The following ITIH6 variants were observed in gnomAD, a reference collection of about 807,000 sequenced individuals.
The protein encoded by ITIH6 is inter-alpha-trypsin inhibitor heavy chain family member 6.
Under a neutral mutation model 58.2 loss-of-function variants are expected in ITIH6, and 60 were observed. The observed-to-expected ratio is 1.03, with a 90% CI of 0.84 to 1.28. The LOEUF is 1.28. ITIH6 is among the 50% of genes most tolerant of loss of function. The pLI, the probability that ITIH6 is intolerant of heterozygous loss-of-function variation, is 0.00. For missense variants in ITIH6, 1,290 were observed against 1,021.1 expected (o/e 1.26, Z -3.59); for synonymous variants, 493 against 417.4 (o/e 1.18, Z -2.21).
chrX:54,780,324 T>C (rs1191492832), intron 5 of ITIH6, among the ~76,000 whole-genome samples: 2 of 112,242 alleles, frequency 1.8e-5, no homozygotes, highest in Admixed American at 9.5e-5. Flanking sequence ...AAGCATCTTC[T>C]CTGACCACAA....
chrX:54,753,717 TCTC>T lies in ITIH6; in HGVS notation c.3283_3285del (p.Glu1095del). Reference sequence around the variant, plus strand: ...TGCCCATTCAGTGTGAAGCAGATCTTCTCTTCTGAGTGTGGGATTTGGATCACA... The same window carrying T: ...TGCCCATTCAGTGTGAAGCAGATCTTTTCTGAGTGTGGGATTTGGATCACA... On this transcript the variant is annotated inframe_deletion, in exon 11 of 13. Transcript: ENST00000218436. 8.3e-7 allele frequency: 1 copy of T among 1,211,540 alleles called. No individual in the cohort carries two copies. The highest frequency in any genetic ancestry group is 1.1e-6 in the Non-Finnish European group (1 of 895,374).
chrX:54,761,595 G>A (rs1370884825), intron 6 of ITIH6, among the ~76,000 whole-genome samples: 15 of 110,802 alleles, frequency 1.4e-4, no homozygotes, highest in Admixed American at 6.7e-4. Context: ...TCTTTAATCC[G>A]TCTTGAATTA....
At chrX:54,752,348 G>C (rs1397536017) in intron 11 of ITIH6, among the ~76,000 whole-genome samples, 1 of 111,871 alleles carries the variant, frequency 8.9e-6, no homozygotes, top group Non-Finnish European at 1.9e-5. Flanking sequence ...AACAATTTAT[G>C]GTGAAGCTTG....
intron 8 of ITIH6, 29 bp from the exon 9 acceptor site, chrX:54,755,138 C>T: frequency 8.8e-7 from 1 of 1,137,583 alleles, no homozygotes; most frequent in African/African-American, 1.8e-5. Flanking sequence ...ATAAGAAAAC[C>T]CTTCAAATTC....
At chrX:54,770,381 A>G (rs1347753439) in intron 6 of ITIH6, among the ~76,000 whole-genome samples, 1 of 112,699 alleles carries the variant, frequency 8.9e-6, no homozygotes, top group African/African-American at 3.2e-5. Flanking sequence ...AGCTGTTCCT[A>G]TTCGGCCATC....
chrX:54,786,658 G>A (rs1270966460), intron 5 of ITIH6, among the ~76,000 whole-genome samples: 8 of 111,370 alleles, frequency 7.2e-5, no homozygotes, highest in Non-Finnish European at 3.8e-5. Context: ...TATTCATTCC[G>A]TAACACACAG....
intron 5 of ITIH6, among the ~76,000 whole-genome samples, chrX:54,778,078 T>A (rs1440988293): frequency 8.9e-6 from 1 of 111,809 alleles, no homozygotes; most frequent in African/African-American, 3.3e-5. Flanking sequence ...AGAGAAGGCA[T>A]TCAGAATTCT....
intron 6 of ITIH6, among the ~76,000 whole-genome samples, chrX:54,767,521 G>C (rs1253480287): frequency 9.1e-5 from 9 of 98,440 alleles, no homozygotes; most frequent in African/African-American, 3.6e-4. Context: ...TTCTCTTGTG[G>C]GCATTTAGTG....
intron 4 of ITIH6, among the ~76,000 whole-genome samples, chrX:54,789,209 T>A (rs1027291723): frequency 8.9e-6 from 1 of 112,224 alleles, no homozygotes; most frequent in African/African-American, 3.2e-5. Context: ...TGAACAAGCC[T>A]TTTAGAGTCT....
intron 5 of ITIH6, among the ~76,000 whole-genome samples, chrX:54,776,361 C>A (rs943652512): frequency 5.4e-5 from 6 of 110,659 alleles, no homozygotes; most frequent in African/African-American, 2.0e-4. Context: ...TGAAAGACAG[C>A]CTAGACACAA....
At chrX:54,785,321 A>G (rs1053145799) in intron 5 of ITIH6, among the ~76,000 whole-genome samples, 1 of 111,213 alleles carries the variant, frequency 9.0e-6, no homozygotes, top group African/African-American at 3.3e-5. Flanking sequence ...GGGTGACTAT[A>G]GTCAATAATA....
chrX:54,753,829 G>A, intron 10 of ITIH6, 65 bp from the exon 11 acceptor site: 6 of 1,094,276 alleles, frequency 5.5e-6, no homozygotes, highest in Non-Finnish European at 7.6e-6. Flanking sequence ...GAAAGAGAGA[G>A]GAGGGAAAGG....
intron 2 of ITIH6, among the ~76,000 whole-genome samples, chrX:54,796,070 G>A (rs912083721): frequency 3.6e-5 from 4 of 111,056 alleles, no homozygotes; most frequent in Non-Finnish European, 7.5e-5. Flanking sequence ...TCCCTATATT[G>A]CCCAGGCTAG....
At chrX:54,751,847 A>G (rs1928369562) in intron 11 of ITIH6, among the ~76,000 whole-genome samples, 1 of 111,728 alleles carries the variant, frequency 9.0e-6, no homozygotes, top group South Asian at 3.8e-4. Context: ...ATGGAGTGTC[A>G]GTGTGTGCAT....
At chrX:54,756,876 G>A in intron 8 of ITIH6, 89 bp downstream of exon 8, 1 of 534,600 alleles carries the variant, frequency 1.9e-6, no homozygotes, top group Non-Finnish European at 2.9e-6. Context: ...CATCACTGGA[G>A]TCTGCATAAG....
chrX:54,772,561 G>C (rs1247782735), intron 6 of ITIH6, among the ~76,000 whole-genome samples: 1 of 112,372 alleles, frequency 8.9e-6, no homozygotes, highest in Non-Finnish European at 1.9e-5. Context: ...CGACATATCT[G>C]ACATATTGAA....
Position 54,788,577 on chromosome X carries a change from G to A in ITIH6, c.689C>T (p.Thr230Ile). 1.7e-6 allele frequency: 2 copies of A among 1,209,627 alleles called. No homozygotes were observed. The highest frequency in any genetic ancestry group is 2.2e-6 in the Non-Finnish European group (2 of 893,932). ...AGAGATGGACGACTGGTCTTGCAATGTCGGGCAGTAGGTGATTCGGACACA... is the reference window on the plus strand; with the variant it reads ...AGAGATGGACGACTGGTCTTGCAATATCGGGCAGTAGGTGATTCGGACACA... ...ETCVRITYCP[T>I]LQDQSSISGS... The change falls in exon 5 of 13, where the codon ACA becomes ATA. Residue 230 changes from threonine (T) to isoleucine (I), a missense_variant. Thr to Ile is a moderately conservative substitution (Grantham distance 89, BLOSUM62 -1). Coordinates refer to ENST00000218436, the MANE Select transcript of ITIH6 (RefSeq NM_198510.3).
At chrX:54,761,586 C>A (rs962203919) in intron 6 of ITIH6, among the ~76,000 whole-genome samples, 1 of 111,641 alleles carries the variant, frequency 9.0e-6, no homozygotes, top group Non-Finnish European at 1.9e-5. Flanking sequence ...ACATTTAAGT[C>A]TTTAATCCGT....
At chrX:54,771,269 A>G in intron 6 of ITIH6, among the ~76,000 whole-genome samples, 1 of 112,129 alleles carries the variant, frequency 8.9e-6, no homozygotes, top group Middle Eastern at 4.6e-3. Context: ...TACTTCAAGT[A>G]TTTCTTCTGT....
Sources: allele counts gnomAD v4.1 joint callset (sites outside exome capture counted in the v4.1 genomes callset), GRCh38; gene constraint gnomAD v4.1.1; transcripts MANE v1.5; gene names NCBI Gene and HGNC (gene_info 2026-07-23, HGNC 2026-07-21).